Variants in SLIT3 observed in about 807,000 individuals in gnomAD.
The protein encoded by SLIT3 is slit homolog 3 protein.
SLIT3 carries 68 observed loss-of-function variants against 184.0 expected under a neutral mutation model. The observed-to-expected ratio is 0.37, with a 90% confidence interval of 0.30 to 0.45. The LOEUF is 0.45. Among genes scored for constraint, SLIT3 ranks in the 20% least tolerant of loss-of-function variants. The pLI is 1.00. For missense variants in SLIT3, 1,707 were observed against 2,026.0 expected, an observed-to-expected ratio of 0.84 and a Z score of 3.02; for synonymous variants, 831 against 828.6, an observed-to-expected ratio of 1.00 and a Z score of -0.05.
chr5:168,830,234 C>G (rs1757836541), intron 6 of SLIT3, among the ~76,000 whole-genome samples: 1 of 152,166 alleles, frequency 6.6e-6, no homozygotes, highest in Non-Finnish European at 1.5e-5. Flanking sequence ...AGGGGCATCC[C>G]CAAGCCTCCC....
At chr5:168,752,808 C>G in intron 18 of SLIT3, 147 bp downstream of exon 18, 1 of 741,106 alleles carries the variant, frequency 1.3e-6, no homozygotes, top group Non-Finnish European at 2.2e-6. Context: ...TAGACGATGC[C>G]TGCCTGGCAC....
intron 8 of SLIT3, among the ~76,000 whole-genome samples, chr5:168,814,372 G>C (rs1757260675): frequency 6.6e-6 from 1 of 151,252 alleles, no homozygotes; most frequent in Admixed American, 6.6e-5. Context: ...CTCCAGCCTG[G>C]GTAACAAGAA....
chr5:169,236,611 T>C (rs1382336409), intron 3 of SLIT3, among the ~76,000 whole-genome samples: 8 of 152,008 alleles, frequency 5.3e-5, no homozygotes, highest in Middle Eastern at 6.8e-3. Flanking sequence ...GCTGGGACTA[T>C]AGGCACATGC....
At chr5:168,747,755 A>G (rs950070381) in intron 20 of SLIT3, among the ~76,000 whole-genome samples, 2 of 152,244 alleles carry the variant, frequency 1.3e-5, no homozygotes, top group Admixed American at 6.5e-5. Flanking sequence ...GTTGTGGAAT[A>G]AGAAAGCTCC....
chr5:168,979,564 C>T (rs1040364721), intron 4 of SLIT3, among the ~76,000 whole-genome samples: 1 of 152,272 alleles, frequency 6.6e-6, no homozygotes, highest in African/African-American at 2.4e-5. Flanking sequence ...AAAGTTCTCT[C>T]CAAGAATGAG....
chr5:169,003,447 C>A (rs938760199), intron 4 of SLIT3, among the ~76,000 whole-genome samples: 2 of 152,198 alleles, frequency 1.3e-5, no homozygotes, highest in African/African-American at 4.8e-5. Context: ...ACGTCTCCTC[C>A]GATACCCTAG....
At chr5:169,122,236 A>C (rs1760907707) in intron 4 of SLIT3, among the ~76,000 whole-genome samples, 1 of 152,218 alleles carries the variant, frequency 6.6e-6, no homozygotes, top group East Asian at 1.9e-4. Context: ...TTACATACTT[A>C]GACTATACAA....
At chr5:169,044,068 C>A (rs984448731) in intron 4 of SLIT3, among the ~76,000 whole-genome samples, 5 of 152,180 alleles carry the variant, frequency 3.3e-5, no homozygotes, top group African/African-American at 1.2e-4. Flanking sequence ...GTGGCCAAAT[C>A]AATGCACAGA....
At chr5:168,971,693 G>A (rs1754582603) in intron 4 of SLIT3, among the ~76,000 whole-genome samples, 1 of 152,224 alleles carries the variant, frequency 6.6e-6, no homozygotes, top group African/African-American at 2.4e-5. Flanking sequence ...AGAAAGATGT[G>A]CAGATGTCCA....
In SLIT3 at chr5:168,999,822, C is replaced by T. The variant is rs368245839; in HGVS notation, c.414-116486G>A. Among the ~76,000 whole-genome samples the T allele has an allele frequency of 4.6e-5, 7 of 152,302 alleles. 1 individual carries two copies. The highest frequency in any genetic ancestry group is 1.4e-4 in the African/African-American group (6 of 41,558). ...GGGGCTGCAGGTACAGAGTGGACGC[C>T]CACCTGGGAGCTTTTGCACGGGAAG... On this transcript the variant is annotated intron_variant, in intron 4 of 35. Transcript: ENST00000519560.
chr5:168,773,719 G>A (rs572137556), intron 13 of SLIT3, among the ~76,000 whole-genome samples: 3 of 152,284 alleles, frequency 2.0e-5, no homozygotes, highest in Admixed American at 6.5e-5. Flanking sequence ...GTAGTGCATG[G>A]AAGTGAGGAT....
chr5:168,854,520 A>C (rs1278543020), intron 5 of SLIT3, among the ~76,000 whole-genome samples: 1 of 152,164 alleles, frequency 6.6e-6, no homozygotes, highest in Non-Finnish European at 1.5e-5. Context: ...CCTTGAGAGG[A>C]TGCTTCAATT....
chr5:169,005,676 G>A (rs1755893795), intron 4 of SLIT3, among the ~76,000 whole-genome samples: 1 of 152,236 alleles, frequency 6.6e-6, no homozygotes, highest in Admixed American at 6.5e-5. Flanking sequence ...GGACACAGCT[G>A]TAATATTCAT....
intron 8 of SLIT3, among the ~76,000 whole-genome samples, chr5:168,812,080 G>C (rs969807016): frequency 2.0e-4 from 31 of 152,220 alleles, no homozygotes; most frequent in Non-Finnish European, 2.6e-4. Flanking sequence ...AGGACGTTAT[G>C]TTAGGTGAAA....
At chr5:168,670,856 C>G (rs983098663) in intron 34 of SLIT3, among the ~76,000 whole-genome samples, 1 of 152,150 alleles carries the variant, frequency 6.6e-6, no homozygotes, top group East Asian at 1.9e-4. Flanking sequence ...TTATATACAC[C>G]TGGTGCCTTG....
intron 4 of SLIT3, among the ~76,000 whole-genome samples, chr5:168,989,634 G>A (rs976544809): frequency 1.3e-5 from 2 of 152,200 alleles, no homozygotes; most frequent in Non-Finnish European, 2.9e-5. Flanking sequence ...CCACCAGAAT[G>A]GAAAATGCAG....
chr5:168,884,576 A>ATATATATATATG, intron 4 of SLIT3, among the ~76,000 whole-genome samples: 1 of 133,612 alleles, frequency 7.5e-6, no homozygotes, highest in African/African-American at 2.8e-5. Flanking sequence ...ATATATATAT[A>ATATATATATATG]TATATGAAAT....
rs1757376599 is a variant in SLIT3, at chr5:168,817,591, G to A, written c.630-128C>T. The A allele has an allele frequency of 2.6e-5, 22 of 840,986 alleles. No individual in the cohort carries two copies. The South Asian group carries it at 3.4e-4, about 13-fold the overall frequency. 52.1% of individuals were successfully genotyped at this position (840,986 alleles called of 1,614,324 possible). A position where few individuals can be genotyped will look rare whatever the true frequency, so the allele number is the denominator to read the frequency against. Reference sequence around the variant, plus strand: ...GTGTGAAAATCCCTAGGAGCCCAGGGAAGCAATTCCCTCTGCACTACCAAA... The same window carrying A: ...GTGTGAAAATCCCTAGGAGCCCAGGAAAGCAATTCCCTCTGCACTACCAAA... On this transcript the variant is annotated intron_variant, in intron 7 of 35. Coordinates refer to ENST00000519560, the MANE Select transcript of SLIT3 (RefSeq NM_003062.4).
intron 4 of SLIT3, among the ~76,000 whole-genome samples, chr5:168,980,466 C>T (rs1434587833): frequency 4.6e-5 from 7 of 152,170 alleles, no homozygotes; most frequent in African/African-American, 1.7e-4. Context: ...GAAATTGAGG[C>T]TCAGAGAATA....
Sources: gnomAD v4.1 joint callset for allele counts (sites outside exome capture counted in the v4.1 genomes callset) on GRCh38, gnomAD v4.1.1 for gene constraint, MANE v1.5 for transcripts, NCBI Gene and HGNC (gene_info 2026-07-23, HGNC 2026-07-21) for gene names.